ACSM3: variants seen among roughly 807,000 people sequenced by gnomAD.
ACSM3 encodes acyl-CoA synthetase medium chain family member 3.
ACSM3 carries 61 observed loss-of-function variants against 74.1 expected under a neutral mutation model. That is an observed-to-expected ratio of 0.82 (90% CI 0.67 to 1.02). The LOEUF is 1.02. ACSM3 is among the 50% of genes least tolerant of loss of function. The pLI, the probability that ACSM3 is intolerant of heterozygous loss-of-function variation, is 0.00. For synonymous variants in ACSM3, 213 were observed against 241.5 expected (o/e 0.88, Z 1.09); for missense variants, 660 against 697.0 (o/e 0.95, Z 0.60).
chr16:20,743,292 A>G (rs986727714), intron 1 of ACSM3, among the ~76,000 whole-genome samples: 1 of 152,110 alleles, frequency 6.6e-6, no homozygotes, highest in Non-Finnish European at 1.5e-5. Context: ...CAGTTACTCA[A>G]AAGGCTTCCA....
intron 1 of ACSM3, chr16:20,742,048 A>AT (rs1463618647): frequency 6.4e-5 from 89 of 1,390,724 alleles, no homozygotes; most frequent in Non-Finnish European, 8.3e-5. Flanking sequence ...GGCTCCAGCC[A>AT]TATAGCTTCT....
chr16:20,749,181 T>C, intron 1 of ACSM3: 1 of 152,156 alleles, frequency 6.6e-6, no homozygotes, highest in Non-Finnish European at 1.5e-5. Flanking sequence ...TATGTATATA[T>C]ATGTGTGTTA....
rs142294908 is a variant in ACSM3 at position 20,792,776 on chromosome 16, C to G, written c.1554+441C>G. On this transcript the variant is annotated intron_variant, in intron 12 of 13. Coordinates refer to ENST00000289416, the MANE Select transcript of ACSM3 (RefSeq NM_005622.4). Reference sequence around the variant, plus strand: ...GAACCAGAGGCTGGAACTGAGGTAACCATAAGCAGTCTTGGTAGGTAAATA... The same window carrying G: ...GAACCAGAGGCTGGAACTGAGGTAAGCATAAGCAGTCTTGGTAGGTAAATA... 2,241 of 897,426 alleles carry G rather than the reference C, an allele frequency of 2.5e-3. 5 individuals are homozygous for G. The highest frequency in any genetic ancestry group is 2.8e-3 in the Non-Finnish European group (2,096 of 749,842). 55.6% of individuals were successfully genotyped at this position (897,426 alleles called of 1,614,324 possible). A position where few individuals can be genotyped will look rare whatever the true frequency, so the allele number is the denominator to read the frequency against.
chr16:20,748,730 A>T (rs2079969115), intron 1 of ACSM3, among the ~76,000 whole-genome samples: 1 of 152,132 alleles, frequency 6.6e-6, no homozygotes. Flanking sequence ...TACCCCAGAG[A>T]TAACCTATTA....
At chr16:20,702,165 T>C (rs1268875776) in intron 1 of ACSM3, among the ~76,000 whole-genome samples, 2 of 152,222 alleles carry the variant, frequency 1.3e-5, no homozygotes, top group African/African-American at 4.8e-5. Flanking sequence ...ACCAACAGTG[T>C]AGAAGTGCTC....
chr16:20,761,197 C>A (rs2080074049), upstream of ACSM3, among the ~76,000 whole-genome samples: 1 of 152,196 alleles, frequency 6.6e-6, no homozygotes, highest in Non-Finnish European at 1.5e-5. Flanking sequence ...CAACCTCCAC[C>A]TCCCAGGTTT....
At chr16:20,715,602 TCAAAACAAAA>T (rs912927520) in intron 1 of ACSM3, among the ~76,000 whole-genome samples, 2 of 141,748 alleles carry the variant, frequency 1.4e-5, no homozygotes, top group African/African-American at 2.5e-5. Context: ...AGACTCCATC[TCAAAACAAAA>T]CAAAACAAAA....
chr16:20,693,567 TATAATAGACAATAGA>T (rs1198835466), intron 1 of ACSM3, among the ~76,000 whole-genome samples: 2 of 152,338 alleles, frequency 1.3e-5, no homozygotes, highest in East Asian at 3.9e-4. Context: ...AACAGACCCA[TATAATAGACAATAGA>T]ACTAGTAATG....
intron 1 of ACSM3, among the ~76,000 whole-genome samples, chr16:20,728,778 C>G (rs2079815906): frequency 1.3e-5 from 2 of 152,076 alleles, no homozygotes; most frequent in South Asian, 4.1e-4. Flanking sequence ...TATTTGGGAC[C>G]TTTTATATCT....
At chr16:20,779,276 A>G (rs2080299735) in intron 4 of ACSM3, among the ~76,000 whole-genome samples, 1 of 151,852 alleles carries the variant, frequency 6.6e-6, no homozygotes, top group African/African-American at 2.4e-5. Context: ...AAAAATAATT[A>G]GCCAGGCATG....
At chr16:20,741,784 G>A (rs1257856774) in intron 1 of ACSM3, 2 of 1,549,060 alleles carry the variant, frequency 1.3e-6, no homozygotes, top group African/African-American at 1.4e-5. Context: ...CTCCGCTGCT[G>A]TTGGCGTCCT....
In ACSM3 at chr16:20,687,049, A is replaced by G. The variant is rs1409161110; in HGVS notation, c.-190+12227A>G. ...GTGTGGTGCGGTGCAGTCAAGAGGA[A>G]GCCCCCCAACTCCCACCTCTTCTCT... is the stretch of plus-strand genomic sequence containing the variant. On this transcript the variant is annotated intron_variant, in intron 1 of 3. Transcript: ENST00000561584. Among the ~76,000 whole-genome samples, 5 of 151,292 alleles carry G rather than the reference A, an allele frequency of 3.3e-5. No individual in the cohort carries two copies. In the East Asian group the frequency reaches 9.8e-4, roughly 30 times the overall value.
At chr16:20,690,981 A>G (rs1348923125) in intron 1 of ACSM3, 2 of 1,601,198 alleles carry the variant, frequency 1.2e-6, no homozygotes, top group Admixed American at 1.8e-5. Context: ...TATCGCCATC[A>G]CGGCAGATCT....
intron 2 of ACSM3, among the ~76,000 whole-genome samples, chr16:20,773,028 C>T (rs1289561309): frequency 1.3e-5 from 2 of 151,708 alleles, no homozygotes; most frequent in Admixed American, 1.3e-4. Context: ...GTAAAACCAT[C>T]CAATTCTGGG....
intron 1 of ACSM3, chr16:20,743,885 A>T (rs2079947248): frequency 6.6e-6 from 1 of 152,192 alleles, no homozygotes; most frequent in Admixed American, 6.5e-5. Context: ...GCATACAGAT[A>T]ACAAGTTAAA....
intron 1 of ACSM3, among the ~76,000 whole-genome samples, chr16:20,701,375 T>C (rs1393754160): frequency 6.6e-6 from 1 of 152,172 alleles, no homozygotes; most frequent in Admixed American, 6.5e-5. Context: ...GATCCAGTAT[T>C]GCATGGACTT....
intron 9 of ACSM3, among the ~76,000 whole-genome samples, chr16:20,788,303 C>T (rs1391491777): frequency 6.6e-6 from 1 of 152,074 alleles, no homozygotes; most frequent in African/African-American, 2.4e-5. Context: ...CTTTTTCTTC[C>T]TTCCTTAATA....
intron 1 of ACSM3, among the ~76,000 whole-genome samples, chr16:20,733,224 G>T (rs1596488472): frequency 1.3e-5 from 2 of 152,144 alleles, no homozygotes; most frequent in Middle Eastern, 6.9e-3. Context: ...TAAAATTGCA[G>T]GAGTCAAATG....
In ACSM3 at chr16:20,790,534, G is replaced by A. The variant is rs2080573860; in HGVS notation, c.1225-53G>A. 1 of 1,506,926 alleles carries A rather than the reference G, an allele frequency of 6.6e-7. No individual in the cohort carries two copies. The highest frequency in any genetic ancestry group is 1.4e-5 in the African/African-American group (1 of 71,856). The allele number at this position is 1,506,926 out of a possible 1,614,324, so 93.3% of individuals were successfully genotyped here. A position where few individuals can be genotyped will look rare whatever the true frequency, so the allele number is the denominator to read the frequency against. On this transcript the variant is annotated intron_variant, in intron 9 of 13. Coordinates refer to ENST00000289416, the MANE Select transcript of ACSM3 (RefSeq NM_005622.4). This position sits in a 1 kb window ranked among gnomAD's most constrained non-coding sequence, Gnocchi z 4.0. The stretch of plus-strand genomic sequence containing the variant: ...TAAAACTTGCAAAGTTAATATTTAA[G>A]CTGCGACATTAAACAAAAATTTCCT...
Sources: gnomAD v4.1 joint callset for allele counts (sites outside exome capture counted in the v4.1 genomes callset) on GRCh38, gnomAD v4.1.1 for gene constraint, Gnocchi (gnomAD v3.1) non-coding constraint, MANE v1.5 for transcripts, NCBI Gene and HGNC (gene_info 2026-07-23, HGNC 2026-07-21) for gene names.